Variants in RELN observed in about 807,000 individuals in gnomAD.
The protein encoded by RELN is reelin.
RELN carries 108 observed loss-of-function variants against 427.6 expected under a neutral mutation model. The ratio of observed to expected loss-of-function variants is 0.25; its 90% CI spans 0.22 to 0.30. RELN has a LOEUF of 0.30. Among genes scored for constraint, RELN ranks in the 10% least tolerant of loss-of-function variants. The pLI is 1.00. For synonymous variants in RELN, 1,524 were observed against 1,513.4 expected (o/e 1.01, Z -0.16); for missense variants, 3,715 against 4,302.8 (o/e 0.86, Z 3.82).
chr7:103,882,282 C>A (rs1184143991), intron 2 of RELN, among the ~76,000 whole-genome samples: 1 of 152,130 alleles, frequency 6.6e-6, no homozygotes, highest in Non-Finnish European at 1.5e-5. Flanking sequence ...TGTGTCCCTG[C>A]TCTTTAACCT....
At chr7:103,734,463 CA>C (rs1175070977) in intron 6 of RELN, among the ~76,000 whole-genome samples, 1 of 152,134 alleles carries the variant, frequency 6.6e-6, no homozygotes, top group Non-Finnish European at 1.5e-5. Context: ...TTGTCCACCT[CA>C]AAAATATATT....
At chr7:103,741,737 A>G (rs992475310) in intron 6 of RELN, among the ~76,000 whole-genome samples, 1 of 152,002 alleles carries the variant, frequency 6.6e-6, no homozygotes, top group Non-Finnish European at 1.5e-5. Context: ...ATGGGTATTG[A>G]GCACCTAGAA....
intron 43 of RELN, among the ~76,000 whole-genome samples, chr7:103,541,366 G>A (rs1384995503): frequency 6.6e-6 from 1 of 152,164 alleles, no homozygotes; most frequent in Non-Finnish European, 1.5e-5. Flanking sequence ...ATGCATGCCG[G>A]ACATAGGAAA....
intron 1 of RELN, among the ~76,000 whole-genome samples, chr7:103,946,844 C>T (rs1796229727): frequency 6.6e-6 from 1 of 152,140 alleles, no homozygotes; most frequent in Non-Finnish European, 1.5e-5. Flanking sequence ...GAAGTAAGCG[C>T]TTTTGCAATG....
intron 50 of RELN, 33 bp from the exon 51 acceptor site, chr7:103,511,038 T>G (rs1193053317): frequency 1.9e-6 from 3 of 1,580,750 alleles, no homozygotes; most frequent in Non-Finnish European, 2.6e-6. Flanking sequence ...TTATGACAAA[T>G]TTGTGACAAA....
chr7:103,607,872 G>C (rs1831855535), intron 22 of RELN, among the ~76,000 whole-genome samples: 1 of 152,124 alleles, frequency 6.6e-6, no homozygotes, highest in Admixed American at 6.5e-5. Context: ...GTCTCATCAG[G>C]CCATGTTCTT....
At chr7:103,856,572 A>G (rs1173079369) in intron 2 of RELN, among the ~76,000 whole-genome samples, 1 of 136,110 alleles carries the variant, frequency 7.3e-6, no homozygotes, top group East Asian at 2.2e-4. Context: ...TCCACCTCAA[A>G]AAAAAAAAAA....
chr7:103,629,184 G>A (rs555089743), intron 20 of RELN, among the ~76,000 whole-genome samples: 165 of 152,172 alleles, frequency 1.1e-3, no homozygotes, highest in Admixed American at 4.1e-3. Flanking sequence ...GAAGCCTCTC[G>A]GGAGTTTCCT....
chr7:103,777,039 G>A (rs186087966), intron 3 of RELN, among the ~76,000 whole-genome samples: 25 of 152,218 alleles, frequency 1.6e-4, no homozygotes, highest in African/African-American at 4.1e-4. Context: ...AATAGTCACC[G>A]TAACTTATAG....
At chr7:103,576,015 A>G (rs768553101) in intron 28 of RELN, among the ~76,000 whole-genome samples, 1 of 152,006 alleles carries the variant, frequency 6.6e-6, no homozygotes, top group Admixed American at 6.6e-5. Context: ...GGCGGATCAC[A>G]AGGTCAGGAG....
At chr7:103,723,007 G>A (rs916454284) in intron 8 of RELN, 133 bp downstream of exon 8, 2 of 658,308 alleles carry the variant, frequency 3.0e-6, no homozygotes, top group African/African-American at 3.7e-5. Flanking sequence ...AAATGTTGTA[G>A]ATTATTTACT....
chr7:103,500,247 A>ATTCT (rs1828981730), intron 53 of RELN, among the ~76,000 whole-genome samples: 2 of 152,226 alleles, frequency 1.3e-5, no homozygotes, highest in African/African-American at 4.8e-5. Context: ...TGACCTCTCC[A>ATTCT]TTCTTAATAC....
intron 24 of RELN, among the ~76,000 whole-genome samples, chr7:103,602,612 A>G (rs558403758): frequency 9.2e-5 from 14 of 152,230 alleles, no homozygotes; most frequent in Non-Finnish European, 1.5e-4. Context: ...GTTCTCACTC[A>G]TAAGTGGGAG....
intron 2 of RELN, among the ~76,000 whole-genome samples, chr7:103,891,494 C>T (rs1011541774): frequency 3.3e-5 from 5 of 152,084 alleles, no homozygotes; most frequent in African/African-American, 1.2e-4. Flanking sequence ...TAATAGTGAG[C>T]ATGTTCAATG....
chr7:103,706,812 A>T (rs143712111), intron 8 of RELN, among the ~76,000 whole-genome samples: 29 of 152,254 alleles, frequency 1.9e-4, no homozygotes, highest in Middle Eastern at 6.8e-3. Flanking sequence ...GCTAGTCATC[A>T]TCTCAACTCT....
At position 103,589,721 on chromosome 7, in the gene RELN, C is replaced by T. The variant is rs200206522; in HGVS notation, c.4020G>A (p.Pro1340=). ...SWFLVKEGCY[P]ASAGKGCEGN... is the part of the protein sequence containing the mutation. ...CTTCGCATCCTTTGCCTGCAGAAGC[C>T]GGGTAACAGCCTTCTTTCACCAGAA... The change falls in exon 28 of 65, where the codon CCG becomes CCA. Residue 1340 remains proline, a synonymous_variant. Coordinates refer to ENST00000428762, the MANE Select transcript of RELN (RefSeq NM_005045.4). The T allele has an allele frequency of 6.6e-5, 107 of 1,613,724 alleles. No homozygotes were observed. Among genetic ancestry groups the T allele is most frequent in the Non-Finnish European group, 8.2e-5 (97 of 1,179,778 alleles).
At chr7:103,616,769 T>C (rs1832090052) in intron 20 of RELN, among the ~76,000 whole-genome samples, 1 of 152,188 alleles carries the variant, frequency 6.6e-6, no homozygotes, top group Non-Finnish European at 1.5e-5. Flanking sequence ...GGTGAGACAT[T>C]TTGATTTTTA....
chr7:103,930,006 C>A (rs889218883), intron 1 of RELN, among the ~76,000 whole-genome samples: 1 of 152,182 alleles, frequency 6.6e-6, no homozygotes, highest in Non-Finnish European at 1.5e-5. Flanking sequence ...GTCTTATCTG[C>A]CCTAAGGCAA....
chr7:103,982,040 C>T (rs1026878749), intron 1 of RELN, among the ~76,000 whole-genome samples: 1 of 152,066 alleles, frequency 6.6e-6, no homozygotes, highest in Admixed American at 6.6e-5. Context: ...GTGGTGTGCA[C>T]CTGTAGTCCC....
Sources: gnomAD v4.1 joint callset for allele counts (sites outside exome capture counted in the v4.1 genomes callset) on GRCh38, gnomAD v4.1.1 for gene constraint, MANE v1.5 for transcripts, NCBI Gene and HGNC (gene_info 2026-07-23, HGNC 2026-07-21) for gene names.